Variants in MAF observed in about 807,000 individuals in gnomAD.
MAF encodes MAF bZIP transcription factor, also known as transcription factor Maf.
MAF carries 10 observed loss-of-function variants against 22.0 expected under a neutral mutation model. That is an observed-to-expected ratio of 0.45 (90% CI 0.28 to 0.77). The LOEUF is 0.77. Among genes scored for constraint, MAF ranks in the 30% least tolerant of loss-of-function variants. The pLI is 0.12. For missense variants in MAF, 544 were observed against 548.4 expected, an observed-to-expected ratio of 0.99 and a Z score of 0.08; for synonymous variants, 337 against 255.8, an observed-to-expected ratio of 1.32 and a Z score of -3.03.
downstream of MAF, among the ~76,000 whole-genome samples, chr16:79,582,742 T>C (rs1052334156): frequency 3.3e-5 from 5 of 152,230 alleles, no homozygotes; most frequent in Admixed American, 6.5e-5. Flanking sequence ...CCAACAGATA[T>C]ATTGATGTAA....
chr16:79,229,076 A>G, the MAF span, among the ~76,000 whole-genome samples: 1 of 151,858 alleles, frequency 6.6e-6, no homozygotes, highest in Admixed American at 6.6e-5. Context: ...CTTCTCACCC[A>G]CGGAGCTGTG....
chr16:79,372,641 AG>A, the MAF span, among the ~76,000 whole-genome samples: 1 of 152,136 alleles, frequency 6.6e-6, no homozygotes, highest in African/African-American at 2.4e-5. Flanking sequence ...CTGGCGGGTG[AG>A]CCCCCAGCAG....
chr16:79,502,720 T>TATATATAAATATAA, the MAF span, among the ~76,000 whole-genome samples: 206 of 23,592 alleles, frequency 8.7e-3, 2 homozygotes, highest in East Asian at 0.058. Flanking sequence ...TATATATATA[T>TATATATAAATATAA]ATATATATAT....
At chr16:79,275,952 T>C in the MAF span, among the ~76,000 whole-genome samples, 1 of 152,064 alleles carries the variant, frequency 6.6e-6, no homozygotes, top group Non-Finnish European at 1.5e-5. Flanking sequence ...CCGTCCTGGC[T>C]AACACGGTGA....
chr16:79,555,086 G>T, the MAF span, among the ~76,000 whole-genome samples: 5 of 152,160 alleles, frequency 3.3e-5, no homozygotes, highest in African/African-American at 1.2e-4. Flanking sequence ...CCTCCCTCTG[G>T]CAGGCTGACC....
chr16:79,462,420 C>T, the MAF span, among the ~76,000 whole-genome samples: 1 of 152,180 alleles, frequency 6.6e-6, no homozygotes, highest in Non-Finnish European at 1.5e-5. Flanking sequence ...ACTACAGCAA[C>T]GAGTTTAGAA....
At chr16:79,433,629 G>T in the MAF span, among the ~76,000 whole-genome samples, 2 of 152,100 alleles carry the variant, frequency 1.3e-5, no homozygotes, top group African/African-American at 4.8e-5. Flanking sequence ...TGATAGAAAA[G>T]CTCATACTAT....
chr16:79,500,822 T>C, the MAF span, among the ~76,000 whole-genome samples: 1 of 152,176 alleles, frequency 6.6e-6, no homozygotes, highest in Admixed American at 6.5e-5. Context: ...GCCTCTCACT[T>C]ACTGGATGAG....
At chr16:79,401,178 C>T in the MAF span, among the ~76,000 whole-genome samples, 3 of 152,230 alleles carry the variant, frequency 2.0e-5, no homozygotes, top group Non-Finnish European at 4.4e-5. Flanking sequence ...CCCCTTGCTC[C>T]ACTGCCTATT....
the MAF span, among the ~76,000 whole-genome samples, chr16:79,481,976 T>A: frequency 6.6e-6 from 1 of 152,054 alleles, no homozygotes; most frequent in African/African-American, 2.4e-5. Context: ...CACCCTGGAA[T>A]TGGGAGAGAC....
chr16:79,352,496 C>G, the MAF span, among the ~76,000 whole-genome samples: 1 of 152,052 alleles, frequency 6.6e-6, no homozygotes, highest in Non-Finnish European at 1.5e-5. Context: ...GAAGGAATCC[C>G]ATAAAATAAT....
chr16:79,426,012 C>G, the MAF span, among the ~76,000 whole-genome samples: 29 of 152,278 alleles, frequency 1.9e-4, no homozygotes, highest in Middle Eastern at 6.8e-3. Flanking sequence ...CGAGACCATC[C>G]TGGCTAACAC....
chr16:79,403,787 G>C, the MAF span, among the ~76,000 whole-genome samples: 1 of 152,218 alleles, frequency 6.6e-6, no homozygotes, highest in Non-Finnish European at 1.5e-5. Context: ...GTAAATAAGA[G>C]GGTGGCTCAA....
At chr16:79,515,564 T>C in the MAF span, among the ~76,000 whole-genome samples, 1 of 152,186 alleles carries the variant, frequency 6.6e-6, no homozygotes, top group Non-Finnish European at 1.5e-5. Flanking sequence ...CTAGGTAGGT[T>C]AGGTGAATTA....
the MAF span, among the ~76,000 whole-genome samples, chr16:79,467,939 TG>T: frequency 7.2e-5 from 10 of 138,616 alleles, no homozygotes; most frequent in Admixed American, 3.7e-4. Flanking sequence ...GTGGTGGTCG[TG>T]GGGGGGTGGT....
At chr16:79,551,992 T>C in the MAF span, among the ~76,000 whole-genome samples, 10 of 152,042 alleles carry the variant, frequency 6.6e-5, no homozygotes, top group African/African-American at 1.4e-4. Flanking sequence ...TTTTAATATA[T>C]AGACATTCTA....
chr16:79,508,090 G>A, the MAF span, among the ~76,000 whole-genome samples: 1 of 152,128 alleles, frequency 6.6e-6, no homozygotes, highest in East Asian at 1.9e-4. Context: ...TCTCCACCAC[G>A]GGGAAGGAAG....
the MAF span, among the ~76,000 whole-genome samples, chr16:79,493,348 A>C: frequency 6.6e-6 from 1 of 151,914 alleles, no homozygotes; most frequent in Non-Finnish European, 1.5e-5. Flanking sequence ...CGCCCAGCTA[A>C]TTTTTGTATT....
the MAF span, among the ~76,000 whole-genome samples, chr16:79,214,171 T>G: frequency 1.6e-3 from 251 of 152,284 alleles, no homozygotes; most frequent in Middle Eastern, 0.02. Context: ...CTCTATTTTT[T>G]CTCCACAACA....
Sources: gnomAD v4.1 joint callset for allele counts (sites outside exome capture counted in the v4.1 genomes callset) on GRCh38, gnomAD v4.1.1 for gene constraint, MANE v1.5 for transcripts, NCBI Gene and HGNC (gene_info 2026-07-23, HGNC 2026-07-21) for gene names.